Variants in CLIP1 observed in about 807,000 individuals in gnomAD.
CLIP1 encodes CAP-Gly domain-containing linker protein 1.
A neutral mutation model predicts 161.6 loss-of-function variants in CLIP1; 66 were observed. That is an observed-to-expected ratio of 0.41 (90% CI 0.33 to 0.50). CLIP1 has a LOEUF of 0.50. Among genes scored for constraint, CLIP1 ranks in the 20% least tolerant of loss-of-function variants. CLIP1 has a pLI of 0.27. For synonymous variants in CLIP1, 598 were observed against 626.2 expected (o/e 0.96, Z 0.67); for missense variants, 1,376 against 1,702.0 (o/e 0.81, Z 3.37).
At position 122,319,282 on chromosome 12, in the gene CLIP1, G is replaced by A; in HGVS notation, c.3316C>T (p.Leu1106=). The A allele has an allele frequency of 6.2e-7, 1 of 1,614,172 alleles. No homozygotes were observed. Among genetic ancestry groups the A allele is most frequent in the South Asian group, 1.1e-5 (1 of 91,086 alleles). Residue 1106 remains leucine (L), a synonymous_variant, in exon 18 of 26, where the codon CTG becomes TTG. Transcript: ENST00000620786. ...TGCTTGGTGTCCTCCAAGGAGGCCA[G>A]AGTCTCAGTCTTCTCTTTGGTCATC... ...EQMTKEKTET[L]ASLEDTKQTN... is the part of the protein sequence containing the mutation.
intron 24 of CLIP1, chr12:122,276,533 C>T (rs1359462140): frequency 8.1e-7 from 1 of 1,241,926 alleles, no homozygotes; most frequent in Admixed American, 2.3e-5. Flanking sequence ...AGTTATTAAG[C>T]CCAGTAGACA....
At chr12:122,344,843 T>C (rs1220584892) in intron 10 of CLIP1, among the ~76,000 whole-genome samples, 1 of 152,224 alleles carries the variant, frequency 6.6e-6, no homozygotes, top group Non-Finnish European at 1.5e-5. Flanking sequence ...ATAGGTGATA[T>C]GAAACTTACA....
At chr12:122,330,740 C>T (rs1236253624) in intron 15 of CLIP1, among the ~76,000 whole-genome samples, 1 of 151,018 alleles carries the variant, frequency 6.6e-6, no homozygotes, top group Non-Finnish European at 1.5e-5. Context: ...GCTGGGAATC[C>T]AGGCACCTGC....
At position 122,341,584 on chromosome 12, in the gene CLIP1, C is replaced by T. The variant is rs1261719465; in HGVS notation, c.1620G>A (p.Gly540=). The change falls in exon 11 of 26, where the codon GGG becomes GGA. Residue 540 remains glycine (G), a synonymous_variant. Transcript: ENST00000620786. ...AAAGGGAAAGTGACATGTCCACATC[C>T]CCAGCAGGCTTATTGGACTCTAGCC... ...RRRLESNKPA[G]DVDMSLSLLQ... The T allele has an allele frequency of 6.2e-7, 1 of 1,613,850 alleles. No homozygotes were observed. Among genetic ancestry groups the T allele is most frequent in the East Asian group, 2.2e-5 (1 of 44,876 alleles).
At chr12:122,356,317 A>C (rs1163036067) in intron 5 of CLIP1, among the ~76,000 whole-genome samples, 3 of 152,216 alleles carry the variant, frequency 2.0e-5, no homozygotes, top group Non-Finnish European at 2.9e-5. Flanking sequence ...TTTCAAGAGA[A>C]ACACAGCGAC....
In CLIP1 at chr12:122,360,866, AAGCAAAGC is replaced by A. The variant is rs373411063; in HGVS notation, c.1005+85_1005+92del. The A allele has an allele frequency of 1.1e-3, 1,156 of 1,049,334 alleles. 11 individuals are homozygous for A. In the African/African-American group the frequency reaches 0.015, roughly 13 times the overall value. The allele number at this position is 1,049,334 out of a possible 1,614,324, so 65.0% of individuals were successfully genotyped here. ...TGTGAGCAACATTCAGCACAAGGACAAGCAAAGCAGCAAAGCAGCAAAGCAGGGGCACT... is the reference window on the plus strand; with the variant it reads ...TGTGAGCAACATTCAGCACAAGGACAAGCAAAGCAGCAAAGCAGGGGCACT... On this transcript the variant is annotated intron_variant, in intron 5 of 25. Coordinates refer to ENST00000620786, the MANE Select transcript of CLIP1 (RefSeq NM_001247997.2).
At chr12:122,295,135 G>A (rs1308876897) in intron 20 of CLIP1, among the ~76,000 whole-genome samples, 1 of 151,982 alleles carries the variant, frequency 6.6e-6, no homozygotes, top group Non-Finnish European at 1.5e-5. Context: ...TTGGGAGGCT[G>A]AGATGGGCGG....
chr12:122,281,577 T>C (rs958847389), intron 21 of CLIP1, among the ~76,000 whole-genome samples: 3 of 151,912 alleles, frequency 2.0e-5, no homozygotes, highest in Non-Finnish European at 4.4e-5. Context: ...ATGCTTGTTG[T>C]CCCAGCTACT....
At chr12:122,373,548 G>T (rs1954561966) in intron 3 of CLIP1, among the ~76,000 whole-genome samples, 1 of 151,030 alleles carries the variant, frequency 6.6e-6, no homozygotes, top group African/African-American at 2.4e-5. Flanking sequence ...TACCAGGAAG[G>T]ACATACTTGT....
Position 122,361,193 on chromosome 12 carries a change from A to C in CLIP1, c.783-12T>G. 6.3e-7 allele frequency: 1 copy of C among 1,579,266 alleles called. No homozygotes were observed. Among genetic ancestry groups the C allele is most frequent in the Non-Finnish European group, 8.7e-7 (1 of 1,154,688 alleles). ...GACACTGAAAATACCTTTAGAGAACAATAAGAACAATAACAAAAAACAACT... is the reference window on the plus strand; with the variant it reads ...GACACTGAAAATACCTTTAGAGAACCATAAGAACAATAACAAAAAACAACT... On this transcript the variant is annotated splice_polypyrimidine_tract_variant and intron_variant, in intron 4 of 25. Coordinates refer to ENST00000620786, the MANE Select transcript of CLIP1 (RefSeq NM_001247997.2).
At chr12:122,340,710 A>C in intron 11 of CLIP1, 43 bp downstream of exon 11, 1 of 1,455,416 alleles carries the variant, frequency 6.9e-7, no homozygotes, top group East Asian at 2.3e-5. Flanking sequence ...CAAAACAAGA[A>C]TAACAAATGG....
At chr12:122,310,926 A>C (rs1394965464) in intron 19 of CLIP1, among the ~76,000 whole-genome samples, 1 of 152,184 alleles carries the variant, frequency 6.6e-6, no homozygotes, top group African/African-American at 2.4e-5. Context: ...TAATATGCAC[A>C]CTGGGATGAC....
chr12:122,412,673 C>G (rs10846830), intron 1 of CLIP1, among the ~76,000 whole-genome samples: 119,700 of 151,990 alleles, frequency 0.79, 47,426 homozygotes, highest in East Asian at 0.85. Context: ...AAAAAAAAAC[C>G]AAAGTACATA....
chr12:122,378,334 G>A (rs1954845603), intron 2 of CLIP1, among the ~76,000 whole-genome samples: 1 of 152,056 alleles, frequency 6.6e-6, no homozygotes, highest in Non-Finnish European at 1.5e-5. Context: ...TGAACCTCCC[G>A]CCTCAGCCTC....
At chr12:122,285,380 C>A (rs993183384) in intron 21 of CLIP1, among the ~76,000 whole-genome samples, 1 of 152,136 alleles carries the variant, frequency 6.6e-6, no homozygotes, top group Admixed American at 6.5e-5. Context: ...GCACATGCCA[C>A]CATGCCCAGC....
intron 9 of CLIP1, among the ~76,000 whole-genome samples, chr12:122,350,544 T>C (rs1320672861): frequency 6.6e-6 from 1 of 152,050 alleles, no homozygotes; most frequent in Non-Finnish European, 1.5e-5. Context: ...CTAAGGAAAA[T>C]ATTGTAGAAA....
rs777934197 is a variant in CLIP1 at position 122,316,802 on chromosome 12, T to C, written c.3420A>G (p.Ser1140=). 3.1e-6 allele frequency: 5 copies of C among 1,598,514 alleles called. No individual in the cohort carries two copies. Among genetic ancestry groups the C allele is most frequent in the Non-Finnish European group, 4.3e-6 (5 of 1,174,262 alleles). ...GATTCTCTACAGTCAGGAGTTCTTT[T>C]GATTTGTTCAGCTCTTCCACATTTT... ...NLKNVEELNK[S]KELLTVENQK... is the part of the protein sequence containing the mutation. Residue 1140 remains serine, a synonymous_variant, in exon 19 of 26, where the codon TCA becomes TCG. Transcript: ENST00000620786.
At position 122,274,137 on chromosome 12, in the gene CLIP1, AC is replaced by A; in HGVS notation, c.3991del (p.Val1331TrpfsTer12). On this transcript the variant is annotated frameshift_variant, in exon 25 of 26. Transcript: ENST00000620786. LOFTEE classifies it high-confidence loss of function. ...GTCTTGATTCTTCCTTTGAAGGTCC[AC>A]TATTACTGAATTTAGGAAATCAATC... Reference protein sequence around the residue: ...SQIDFLNSVIVDLQRKNQDLK... With the variant: ...SQIDFLNSVIXDLQRKNQDLK... 6.2e-7 allele frequency: 1 copy of A among 1,602,726 alleles called. No individual in the cohort carries two copies. Among genetic ancestry groups the A allele is most frequent in the South Asian group, 1.1e-5 (1 of 90,826 alleles).
intron 19 of CLIP1, among the ~76,000 whole-genome samples, chr12:122,314,018 C>G (rs1185407328): frequency 6.6e-6 from 1 of 151,844 alleles, no homozygotes; most frequent in African/African-American, 2.4e-5. Context: ...AATGGCCAGG[C>G]GCAGTGGCTC....
Sources: allele counts gnomAD v4.1 joint callset (sites outside exome capture counted in the v4.1 genomes callset), GRCh38; gene constraint gnomAD v4.1.1; transcripts MANE v1.5; gene names NCBI Gene and HGNC (gene_info 2026-07-23, HGNC 2026-07-21).